Variants in LRRFIP1 observed in about 807,000 individuals in gnomAD.
The protein encoded by LRRFIP1 is leucine-rich repeat flightless-interacting protein 1.
A neutral mutation model predicts 104.4 loss-of-function variants in LRRFIP1; 62 were observed. That is an observed-to-expected ratio of 0.59 (90% CI 0.48 to 0.73). LRRFIP1 has a LOEUF of 0.73. Ranked by LOEUF, LRRFIP1 falls within the 30% of genes least tolerant of loss-of-function variation. The probability of loss-of-function intolerance (pLI) is 0.00; values close to 1 mark genes in which losing one functional copy is unlikely to be tolerated. For synonymous variants in LRRFIP1, 300 were observed against 299.0 expected (o/e 1.00, Z -0.03); for missense variants, 796 against 824.5 (o/e 0.97, Z 0.42).
intron 11 of LRRFIP1, among the ~76,000 whole-genome samples, chr2:237,745,068 A>G (rs961296827): frequency 6.6e-6 from 1 of 152,242 alleles, no homozygotes; most frequent in African/African-American, 2.4e-5. Flanking sequence ...TTATGTCAAG[A>G]TGAAACACAA....
rs148475415 is a variant in LRRFIP1, at chr2:237,780,324, G to A, written c.*792G>A. On this transcript the variant is annotated 3_prime_UTR_variant, in exon 24 of 24. Coordinates refer to ENST00000308482, the MANE Select transcript of LRRFIP1 (RefSeq NM_001137550.2). ...AATGTTGAGAGACTTCAGCAATGTGGTTCTAATTTTTTTCCACTGAGAAAG... is the reference window on the plus strand; with the variant it reads ...AATGTTGAGAGACTTCAGCAATGTGATTCTAATTTTTTTCCACTGAGAAAG... The A allele has an allele frequency of 2.0e-5, 3 of 152,104 alleles. No homozygotes were observed. The highest frequency in any genetic ancestry group is 4.4e-5 in the Non-Finnish European group (3 of 67,992). 9.4% of individuals were successfully genotyped at this position (152,104 alleles called of 1,614,324 possible). A position where few individuals can be genotyped will look rare whatever the true frequency, so the allele number is the denominator to read the frequency against.
chr2:237,757,815 G>T (rs1013681569), intron 17 of LRRFIP1, among the ~76,000 whole-genome samples: 5 of 152,048 alleles, frequency 3.3e-5, no homozygotes, highest in Non-Finnish European at 7.4e-5. Flanking sequence ...CCGTGGCTGG[G>T]CCGGGCCGGT....
chr2:237,701,204 G>A (rs1036362871), intron 1 of LRRFIP1, among the ~76,000 whole-genome samples: 1 of 152,196 alleles, frequency 6.6e-6, no homozygotes, highest in Non-Finnish European at 1.5e-5. Context: ...CAGGGCCCCT[G>A]CCCCACCAGT....
In LRRFIP1 at chr2:237,772,805, T is replaced by C. The variant is rs1006960543; in HGVS notation, c.1628-61T>C. The C allele has an allele frequency of 1.2e-5, 14 of 1,126,046 alleles. No individual in the cohort carries two copies. In the African/African-American group the frequency reaches 1.7e-4, roughly 14 times the overall value. The allele number at this position is 1,126,046 out of a possible 1,614,324, so 69.8% of individuals were successfully genotyped here. ...GTAAGGGCTTGGTTCCCAGTAACTA[T>C]TGTTTTAATATTTGAAAAGCCCAAG... On this transcript the variant is annotated intron_variant, in intron 21 of 23. Coordinates refer to ENST00000308482, the MANE Select transcript of LRRFIP1 (RefSeq NM_001137550.2).
At position 237,749,288 on chromosome 2, in the gene LRRFIP1, C is replaced by G. The variant is rs760579837; in HGVS notation, c.759C>G (p.Ile253Met). 1 of 1,613,868 alleles carries G rather than the reference C, an allele frequency of 6.2e-7. No individual in the cohort carries two copies. Among genetic ancestry groups the G allele is most frequent in the Admixed American group, 1.7e-5 (1 of 60,008 alleles). ...GGAGAGGCAGCGGAGACACCTCCAT[C>G]TCCATCGACACCGAGGCATCCATCA... ...SSRRGSGDTS[I>M]SIDTEASIRE... is the part of the protein sequence containing the mutation. Residue 253 changes from isoleucine (I) to methionine (M), a missense_variant, in exon 13 of 24, where the codon ATC (isoleucine) becomes ATG (methionine). Coordinates refer to ENST00000308482, the MANE Select transcript of LRRFIP1 (RefSeq NM_001137550.2).
intron 15 of LRRFIP1, among the ~76,000 whole-genome samples, chr2:237,755,701 G>A (rs1016595024): frequency 6.6e-6 from 1 of 152,166 alleles, no homozygotes; most frequent in Non-Finnish European, 1.5e-5. Flanking sequence ...TGGGAGGCTG[G>A]GGCAGGTGGA....
In LRRFIP1 at chr2:237,719,552, C is replaced by T. The variant is rs1342370963; in HGVS notation, c.279C>T (p.Ser93=). ...ACAGTGAGCGCTACTCTCGTAGATC[C>T]AGAAGAAACACATCGGTTAGTACCG... ...MEDSERYSRR[S]RRNTSASDED... Residue 93 remains serine (S), a synonymous_variant, in exon 5 of 24, where the codon TCC becomes TCT. Transcript: ENST00000308482. 1.9e-6 allele frequency: 3 copies of T among 1,613,338 alleles called. No homozygotes were observed. Among genetic ancestry groups the T allele is most frequent in the African/African-American group, 1.3e-5 (1 of 74,890 alleles).
intron 8 of LRRFIP1, among the ~76,000 whole-genome samples, chr2:237,730,888 A>G (rs1348252378): frequency 6.6e-6 from 1 of 152,180 alleles, no homozygotes; most frequent in African/African-American, 2.4e-5. Context: ...ACTGCACTCC[A>G]GCCTGGGCGA....
Position 237,770,163 on chromosome 2 carries a change from TA to T in LRRFIP1, c.1509+172del, listed in dbSNP as rs2060498207. The T allele has an allele frequency of 5.8e-5, 35 of 605,602 alleles. No individual in the cohort carries two copies. The South Asian group carries it at 6.6e-4, about 11-fold the overall frequency. The allele number at this position is 605,602 out of a possible 1,614,324, so 37.5% of individuals were successfully genotyped here. On this transcript the variant is annotated intron_variant, in intron 20 of 23. Transcript: ENST00000308482. ...TATCCAAATAGAACATCAAAGTTAA[TA>T]TTTTCATCCAAAGAGAACATCCTGA...
At chr2:237,756,707 C>G (rs1559803894) in intron 16 of LRRFIP1, among the ~76,000 whole-genome samples, 1 of 152,156 alleles carries the variant, frequency 6.6e-6, no homozygotes, top group Non-Finnish European at 1.5e-5. Context: ...GGTGAACATT[C>G]CTATTCTTTG....
At chr2:237,679,925 G>T (rs1294948691) in intron 1 of LRRFIP1, among the ~76,000 whole-genome samples, 2 of 152,026 alleles carry the variant, frequency 1.3e-5, no homozygotes, top group African/African-American at 4.8e-5. Context: ...TTAAATAATG[G>T]AAAAAATGAT....
At chr2:237,723,979 A>G (rs73100828) in intron 7 of LRRFIP1, among the ~76,000 whole-genome samples, 11,260 of 152,290 alleles carry the variant, frequency 0.074, 1,342 homozygotes, top group African/African-American at 0.25. Flanking sequence ...TTAAATGTAA[A>G]GCCATTTTAC....
Position 237,659,461 on chromosome 2 carries a change from T to C in LRRFIP1, c.96+31721T>C, listed in dbSNP as rs550857153. Among the ~76,000 whole-genome samples the C allele has an allele frequency of 2.0e-5, 3 of 151,740 alleles. No individual in the cohort carries two copies. In the South Asian group the frequency reaches 6.2e-4, roughly 32 times the overall value. ...GCAAACCATGTGGAATACACTAAGT[T>C]AATGCTTCATACCTCATACCAAAAT... On this transcript the variant is annotated intron_variant, in intron 1 of 23. Transcript: ENST00000308482.
intron 7 of LRRFIP1, among the ~76,000 whole-genome samples, chr2:237,726,406 C>CG (rs1448997761): frequency 1.3e-5 from 2 of 151,988 alleles, no homozygotes; most frequent in African/African-American, 2.4e-5. Flanking sequence ...ATACAGCACC[C>CG]GTCCCCCGGA....
chr2:237,710,445 G>A (rs780215459), intron 2 of LRRFIP1, among the ~76,000 whole-genome samples: 90 of 151,790 alleles, frequency 5.9e-4, no homozygotes, highest in Non-Finnish European at 4.4e-4. Context: ...CACCATGCCC[G>A]GCTAATTTTT....
intron 5 of LRRFIP1, among the ~76,000 whole-genome samples, chr2:237,720,057 G>A (rs900505555): frequency 7.6e-5 from 11 of 144,562 alleles, no homozygotes; most frequent in Non-Finnish European, 1.5e-4. Context: ...AACAATTCTC[G>A]TGTCTCAGCC....
chr2:237,763,780 G>C (rs767256643), intron 19 of LRRFIP1: 1 of 1,614,222 alleles, frequency 6.2e-7, no homozygotes, highest in East Asian at 2.2e-5. Context: ...CATCAGGCCC[G>C]AGGGCTGGTG....
In LRRFIP1 at chr2:237,719,550, T is replaced by A. The variant is rs1179508818; in HGVS notation, c.277T>A (p.Ser93Thr). ...MEDSERYSRR[S>T]RRNTSASDED... ...AGACAGTGAGCGCTACTCTCGTAGA[T>A]CCAGAAGAAACACATCGGTTAGTAC... The change falls in exon 5 of 24, where the codon TCC (serine) becomes ACC (threonine). Residue 93 changes from serine to threonine, a missense_variant. Ser to Thr is a moderately conservative substitution (Grantham distance 58). Coordinates refer to ENST00000308482, the MANE Select transcript of LRRFIP1 (RefSeq NM_001137550.2). 1.2e-6 allele frequency: 2 copies of A among 1,613,692 alleles called. No homozygotes were observed. The highest frequency in any genetic ancestry group is 1.1e-5 in the South Asian group (1 of 91,066).
At chr2:237,690,549 T>G (rs1415006620) in intron 1 of LRRFIP1, among the ~76,000 whole-genome samples, 4 of 151,946 alleles carry the variant, frequency 2.6e-5, no homozygotes, top group Non-Finnish European at 5.9e-5. Context: ...CCAGGCTGGC[T>G]AACATGGTGA....
Sources: allele counts gnomAD v4.1 joint callset (sites outside exome capture counted in the v4.1 genomes callset), GRCh38; gene constraint gnomAD v4.1.1; transcripts MANE v1.5; gene names NCBI Gene and HGNC (gene_info 2026-07-23, HGNC 2026-07-21).